GUCA1C: variants seen among roughly 807,000 people sequenced by gnomAD.
GUCA1C encodes guanylyl cyclase-activating protein 3.
In GUCA1C, 15 loss-of-function variants were observed where a neutral mutation model predicts 16.2. The ratio of observed to expected loss-of-function variants is 0.93; its 90% CI spans 0.62 to 1.43. GUCA1C has a LOEUF of 1.43. Ranked by LOEUF, GUCA1C falls within the 40% of genes most tolerant of loss-of-function variation. The probability of loss-of-function intolerance (pLI) is 0.00; values close to 1 mark genes in which losing one functional copy is unlikely to be tolerated. For missense variants in GUCA1C, 275 were observed against 244.8 expected, an observed-to-expected ratio of 1.12 and a Z score of -0.82; for synonymous variants, 78 against 85.4, an observed-to-expected ratio of 0.91 and a Z score of 0.48.
chr3:108,927,412 T>A (rs897690567), intron 1 of GUCA1C, among the ~76,000 whole-genome samples: 4 of 151,212 alleles, frequency 2.6e-5, no homozygotes, highest in South Asian at 4.2e-4. Context: ...TCTTGGAGGT[T>A]CTGTTCATTT....
chr3:108,916,175 C>T lies in GUCA1C; in HGVS notation c.394G>A (p.Glu132Lys). The change falls in exon 3 of 4, where the codon GAA becomes AAA. Residue 132 changes from glutamate (E) to lysine (K), a missense_variant. Coordinates refer to ENST00000261047, the MANE Select transcript of GUCA1C (RefSeq NM_005459.4). Reference sequence around the variant, plus strand: ...TGGAACACCAAGTTGATGAATTCTTCAGGACTCAGAGTTTGCTGGCCATTG... The same window carrying T: ...TGGAACACCAAGTTGATGAATTCTTTAGGACTCAGAGTTTGCTGGCCATTG... ...ALNGQQTLSP[E>K]EFINLVFHKI... 2 of 1,613,720 alleles carry T rather than the reference C, an allele frequency of 1.2e-6. No individual in the cohort carries two copies. The highest frequency in any genetic ancestry group is 2.2e-5 in the South Asian group (2 of 91,044).
At chr3:108,952,137 T>C (rs981243503) in intron 1 of GUCA1C, among the ~76,000 whole-genome samples, 2 of 152,206 alleles carry the variant, frequency 1.3e-5, no homozygotes, top group African/African-American at 2.4e-5. Flanking sequence ...CATCCTGATA[T>C]TGGGCTGCTT....
At chr3:108,909,636 G>A (rs1410285834) in intron 3 of GUCA1C, among the ~76,000 whole-genome samples, 4 of 152,344 alleles carry the variant, frequency 2.6e-5, no homozygotes, top group South Asian at 2.1e-4. Flanking sequence ...GGCTATAGAA[G>A]AGGCAGCATC....
intron 1 of GUCA1C, among the ~76,000 whole-genome samples, chr3:108,924,771 T>G (rs888907121): frequency 1.3e-5 from 2 of 152,040 alleles, no homozygotes; most frequent in Admixed American, 1.3e-4. Context: ...TGGACTTTTT[T>G]GTTGGCAATT....
At chr3:108,922,160 AAC>A (rs56788372) in intron 1 of GUCA1C, among the ~76,000 whole-genome samples, 15,943 of 51,628 alleles carry the variant, frequency 0.31, 1,261 homozygotes, top group East Asian at 0.49. Flanking sequence ...CACATACACA[AAC>A]ACACACACAC....
intron 2 of GUCA1C, among the ~76,000 whole-genome samples, chr3:108,917,332 A>G (rs780937330): frequency 7.2e-5 from 11 of 152,184 alleles, no homozygotes; most frequent in Non-Finnish European, 1.2e-4. Flanking sequence ...TTCATCACCA[A>G]TCTTCAGGTC....
intron 2 of GUCA1C, among the ~76,000 whole-genome samples, chr3:108,918,051 A>C (rs1426007751): frequency 1.3e-5 from 2 of 151,784 alleles, no homozygotes; most frequent in Non-Finnish European, 2.9e-5. Context: ...TCTCAAAAAA[A>C]TAAAAAAAAC....
intron 1 of GUCA1C, among the ~76,000 whole-genome samples, chr3:108,939,662 C>G (rs867740293): frequency 4.0e-4 from 61 of 151,402 alleles, no homozygotes; most frequent in African/African-American, 1.4e-3. Context: ...AGGACTGTAA[C>G]TAAAAGTCAG....
intron 1 of GUCA1C, among the ~76,000 whole-genome samples, chr3:108,922,504 G>T (rs772409616): frequency 2.0e-5 from 3 of 151,688 alleles, no homozygotes; most frequent in African/African-American, 7.3e-5. Flanking sequence ...AACATTTGTT[G>T]TTTTTTTTAT....
At position 108,953,588 on chromosome 3, in the gene GUCA1C, G is replaced by C; in HGVS notation, c.175C>G (p.Gln59Glu). ...TTCGTGTCAAAGGTATTATAAACTT[G>C]ATCAATATGTTTATTGGCCTTCTGA... ...LNQKANKHID[Q>E]VYNTFDTNKD... Residue 59 changes from glutamine to glutamate, a missense_variant, in exon 1 of 4, where the codon CAA becomes GAA. By Grantham distance (29) the Gln-to-Glu change is conservative. Coordinates refer to ENST00000261047, the MANE Select transcript of GUCA1C (RefSeq NM_005459.4). The C allele has an allele frequency of 6.2e-7, 1 of 1,609,524 alleles. No homozygotes were observed. The highest frequency in any genetic ancestry group is 1.3e-5 in the African/African-American group (1 of 74,924).
intron 1 of GUCA1C, among the ~76,000 whole-genome samples, chr3:108,949,484 T>C (rs866743147): frequency 6.6e-6 from 1 of 152,206 alleles, no homozygotes; most frequent in Admixed American, 6.5e-5. Context: ...CCGGCCTTAG[T>C]ATTTTTGCTG....
intron 1 of GUCA1C, among the ~76,000 whole-genome samples, chr3:108,947,817 AT>A (rs377183907): frequency 2.0e-5 from 3 of 152,248 alleles, no homozygotes; most frequent in African/African-American, 7.2e-5. Flanking sequence ...TGTTTAAGGT[AT>A]TTCATTTTAA....
At chr3:108,934,131 A>T (rs1946697166) in intron 1 of GUCA1C, among the ~76,000 whole-genome samples, 1 of 152,106 alleles carries the variant, frequency 6.6e-6, no homozygotes, top group Non-Finnish European at 1.5e-5. Context: ...GAACAATGAG[A>T]ACACATGGAC....
chr3:108,944,166 A>G (rs1201116450), intron 1 of GUCA1C, among the ~76,000 whole-genome samples: 1 of 152,168 alleles, frequency 6.6e-6, no homozygotes, highest in Admixed American at 6.5e-5. Flanking sequence ...CCTTTAGAAT[A>G]TATATGGGGA....
At chr3:108,921,614 T>C (rs963869883) in intron 1 of GUCA1C, among the ~76,000 whole-genome samples, 1 of 152,208 alleles carries the variant, frequency 6.6e-6, no homozygotes, top group Non-Finnish European at 1.5e-5. Context: ...TTTTTAGTGT[T>C]CTGGATTTTG....
At chr3:108,954,107 A>C (rs1946926901), upstream of GUCA1C, among the ~76,000 whole-genome samples, 1 of 152,188 alleles carries the variant, frequency 6.6e-6, no homozygotes, top group Non-Finnish European at 1.5e-5. Flanking sequence ...AGTGGGTCTA[A>C]TGGCAGGAAC....
chr3:108,933,350 C>T (rs183692357), intron 1 of GUCA1C, among the ~76,000 whole-genome samples: 1 of 150,376 alleles, frequency 6.6e-6, no homozygotes, highest in African/African-American at 2.4e-5. Context: ...TTAACCCCAA[C>T]ATGTTTATTG....
rs750391393 is a variant in GUCA1C at position 108,908,167 on chromosome 3, T to C, written c.485A>G (p.Asp162Gly). Reference sequence around the variant, plus strand: ...GTAAACAATCTCCAGGAGATCCTGATCTTTTGCCATGCCATTGATAAATTC... The same window carrying C: ...GTAAACAATCTCCAGGAGATCCTGACCTTTTGCCATGCCATTGATAAATTC... ...LEEFINGMAKDQDLLEIVYKS... is the reference protein window; with the variant it reads ...LEEFINGMAKGQDLLEIVYKS... The change falls in exon 4 of 4, where the codon GAT becomes GGT. Residue 162 changes from aspartate (D) to glycine (G), a missense_variant. Transcript: ENST00000261047. 92 of 1,613,714 alleles carry C rather than the reference T, an allele frequency of 5.7e-5. 2 individuals carry two copies. In the South Asian group the frequency reaches 9.1e-4, roughly 16 times the overall value.
At chr3:108,926,532 G>A (rs1193075014) in intron 1 of GUCA1C, among the ~76,000 whole-genome samples, 4 of 152,244 alleles carry the variant, frequency 2.6e-5, no homozygotes, top group Admixed American at 2.6e-4. Flanking sequence ...CCAGGCTGGA[G>A]TGCAGTGGCG....
Sources: gnomAD v4.1 joint callset for allele counts (sites outside exome capture counted in the v4.1 genomes callset) on GRCh38, gnomAD v4.1.1 for gene constraint, MANE v1.5 for transcripts, NCBI Gene and HGNC (gene_info 2026-07-23, HGNC 2026-07-21) for gene names.